WDR25: variants seen among roughly 807,000 people sequenced by gnomAD.
WDR25 encodes the protein WD repeat-containing protein 25.
Under a neutral mutation model 47.7 loss-of-function variants are expected in WDR25, and 35 were observed. That is an observed-to-expected ratio of 0.73 (90% CI 0.56 to 0.97). The LOEUF (loss-of-function observed/expected upper bound fraction) is 0.97, where lower values mean the gene tolerates loss of function less well. Among genes scored for constraint, WDR25 ranks in the 50% least tolerant of loss-of-function variants. The pLI, the probability that WDR25 is intolerant of heterozygous loss-of-function variation, is 0.00. For missense variants in WDR25, 634 were observed against 704.7 expected (o/e 0.90, Z 1.14); for synonymous variants, 248 against 278.9 (o/e 0.89, Z 1.10).
At chr14:100,410,383 G>A (rs991822492) in intron 2 of WDR25, among the ~76,000 whole-genome samples, 1 of 152,210 alleles carries the variant, frequency 6.6e-6, no homozygotes, top group Non-Finnish European at 1.5e-5. Flanking sequence ...GTGGGCTCAG[G>A]GGGTGGAGAG....
At chr14:100,378,680 C>CTTTCCCACCAT (rs1239205526) in intron 1 of WDR25, among the ~76,000 whole-genome samples, 1 of 26,020 alleles carries the variant, frequency 3.8e-5, no homozygotes, top group African/African-American at 7.5e-5. Flanking sequence ...CCAGGCAGGC[C>CTTTCCCACCAT]GGGCGCGGTG....
intron 2 of WDR25, among the ~76,000 whole-genome samples, chr14:100,415,986 T>C (rs1897857853): frequency 6.6e-6 from 1 of 152,172 alleles, no homozygotes; most frequent in Admixed American, 6.5e-5. Context: ...TCTGCATCTC[T>C]GTCAGTGCAC....
At position 100,410,126 on chromosome 14, in the gene WDR25, G is replaced by A. The variant is rs115023158; in HGVS notation, c.822+28380G>A. Among the ~76,000 whole-genome samples, 760 of 152,300 alleles carry A rather than the reference G, an allele frequency of 5.0e-3. 7 individuals are homozygous for A. Among genetic ancestry groups the A allele is most frequent in the African/African-American group, 0.017 (721 of 41,552 alleles). ...GAGTTTCCAGAGGGAGACAGTCAAA[G>A]CTCTATTGTTAAAGTGATTCTGGGG... is the stretch of plus-strand genomic sequence containing the variant. On this transcript the variant is annotated intron_variant, in intron 2 of 6. Coordinates refer to ENST00000402312, the MANE Select transcript of WDR25 (RefSeq NM_001161476.3).
intron 4 of WDR25, among the ~76,000 whole-genome samples, chr14:100,522,593 G>A (rs923497153): frequency 2.0e-5 from 3 of 152,212 alleles, no homozygotes. Context: ...CTAGCTGGCT[G>A]GGGAGGAGAA....
intron 3 of WDR25, among the ~76,000 whole-genome samples, chr14:100,477,693 A>G (rs1396934882): frequency 6.6e-6 from 1 of 152,220 alleles, no homozygotes; most frequent in Non-Finnish European, 1.5e-5. Flanking sequence ...GACTTTACCC[A>G]TATCTCTTTA....
At chr14:100,527,287 C>T (rs1242126870) in intron 5 of WDR25, among the ~76,000 whole-genome samples, 1 of 151,830 alleles carries the variant, frequency 6.6e-6, no homozygotes, top group Non-Finnish European at 1.5e-5. Flanking sequence ...TTGTCACCAC[C>T]ACCATCTCTA....
chr14:100,483,987 G>A lies in WDR25; in HGVS notation c.971-7G>A, dbSNP rs1246776729. 1 of 1,602,112 alleles carries A rather than the reference G, an allele frequency of 6.2e-7. No homozygotes were observed. The highest frequency in any genetic ancestry group is 8.5e-7 in the Non-Finnish European group (1 of 1,176,380). On this transcript the variant is annotated splice_polypyrimidine_tract_variant and splice_region_variant and intron_variant, in intron 3 of 6. Coordinates refer to ENST00000402312, the MANE Select transcript of WDR25 (RefSeq NM_001161476.3). The stretch of plus-strand genomic sequence containing the variant: ...TTCTAACCCTCTCTTCTCTTTTTGT[G>A]TTGTAGGAACCCAGCTATTTAGTGG...
chr14:100,477,995 G>A (rs1900073481), intron 3 of WDR25, among the ~76,000 whole-genome samples: 2 of 152,200 alleles, frequency 1.3e-5, no homozygotes, highest in Admixed American at 1.3e-4. Context: ...GGGAGGCTGA[G>A]GCAGGAGAAT....
In WDR25 at chr14:100,525,045, A is replaced by G. The variant is rs2140390776; in HGVS notation, c.1102-825A>G. On this transcript the variant is annotated intron_variant, in intron 4 of 6. Transcript: ENST00000402312. This position sits in a 1 kb window ranked among gnomAD's most constrained non-coding sequence, Gnocchi z 4.6. ...CATGGTGGCGGCCCAGGAACTGGTA[A>G]AGGGACCGGCCGGCCCCTGCGACCA... Among the ~76,000 whole-genome samples, 1 of 152,280 alleles carries G rather than the reference A, an allele frequency of 6.6e-6. No individual in the cohort carries two copies. Among genetic ancestry groups the G allele is most frequent in the African/African-American group, 2.4e-5 (1 of 41,548 alleles).
At chr14:100,403,539 A>G (rs562397965) in intron 2 of WDR25, among the ~76,000 whole-genome samples, 1 of 152,248 alleles carries the variant, frequency 6.6e-6, no homozygotes, top group Admixed American at 6.5e-5. Context: ...TGGCATGCTT[A>G]GCCCGCAGGG....
At chr14:100,515,538 A>G (rs568291382) in intron 4 of WDR25, among the ~76,000 whole-genome samples, 5 of 152,248 alleles carry the variant, frequency 3.3e-5, no homozygotes, top group African/African-American at 1.2e-4. Flanking sequence ...GATATCTTTC[A>G]TGTGTATTAT....
Position 100,436,275 on chromosome 14 carries a change from G to A in WDR25, c.823-31746G>A, listed in dbSNP as rs374326085. On this transcript the variant is annotated intron_variant, in intron 2 of 6. Transcript: ENST00000402312. ...GAGGGTCCCACAAGCAGTGGGAGCC[G>A]GGACGCAGGGCTGACTACTACACCT... is the stretch of plus-strand genomic sequence containing the variant. 9.9e-4 allele frequency among the ~76,000 whole-genome samples: 150 copies of A among 152,258 alleles called. 1 individual carries two copies. Among genetic ancestry groups the A allele is most frequent in the African/African-American group, 3.3e-3 (137 of 41,532 alleles).
In WDR25 at chr14:100,403,527, G is replaced by T. The variant is rs139455267; in HGVS notation, c.822+21781G>T. On this transcript the variant is annotated intron_variant, in intron 2 of 6. Transcript: ENST00000402312. Reference sequence around the variant, plus strand: ...CCCCCACTGTTTCTTGTAAAGTGGTGCTGGCATGCTTAGCCCGCAGGGCTG... The same window carrying T: ...CCCCCACTGTTTCTTGTAAAGTGGTTCTGGCATGCTTAGCCCGCAGGGCTG... 7.4e-3 allele frequency among the ~76,000 whole-genome samples: 1,124 copies of T among 152,348 alleles called. 16 individuals carry two copies. The highest frequency in any genetic ancestry group is 0.025 in the African/African-American group (1,019 of 41,572).
In WDR25 at chr14:100,497,058, T is replaced by A. The variant is rs79023439; in HGVS notation, c.1101+12934T>A. On this transcript the variant is annotated intron_variant, in intron 4 of 6. Coordinates refer to ENST00000402312, the MANE Select transcript of WDR25 (RefSeq NM_001161476.3). ...CGTATTGGTCAGGCTGGAAGATAGC[T>A]TTCTATCATTAATTTCTAGTTTAAT... Among the ~76,000 whole-genome samples, 769 of 152,274 alleles carry A rather than the reference T, an allele frequency of 5.1e-3. 7 individuals are homozygous for A. The highest frequency in any genetic ancestry group is 0.014 in the African/African-American group (574 of 41,556).
At chr14:100,497,586 C>G (rs1306936110) in intron 4 of WDR25, among the ~76,000 whole-genome samples, 1 of 152,252 alleles carries the variant, frequency 6.6e-6, no homozygotes, top group Admixed American at 6.5e-5. Context: ...CTCTTGTTTA[C>G]TTTTCGAGTC....
In WDR25 at chr14:100,381,717, C is replaced by T; in HGVS notation, c.793C>T (p.Leu265Phe). 1.2e-6 allele frequency: 2 copies of T among 1,608,224 alleles called. No homozygotes were observed. The highest frequency in any genetic ancestry group is 1.7e-6 in the Non-Finnish European group (2 of 1,177,938). The change falls in exon 2 of 7, where the codon CTC becomes TTC. Residue 265 changes from leucine to phenylalanine, a missense_variant. Transcript: ENST00000402312. ...CPVLSKSHML[L>F]STSMDKTFKV... Reference sequence around the variant, plus strand: ...AGTCCTTTCTAAGAGCCACATGCTTCTCTCCACTTCTATGGATAAAACTTT... The same window carrying T: ...AGTCCTTTCTAAGAGCCACATGCTTTTCTCCACTTCTATGGATAAAACTTT...
In WDR25 at chr14:100,428,046, C is replaced by CCCTTT; in HGVS notation, c.823-39964_823-39960dup. Among the ~76,000 whole-genome samples the CCCTTT allele has an allele frequency of 6.6e-6, 1 of 152,262 alleles. No individual in the cohort carries two copies. Among genetic ancestry groups the CCCTTT allele is most frequent in the East Asian group, 1.9e-4 (1 of 5,198 alleles). On this transcript the variant is annotated intron_variant, in intron 2 of 6. Transcript: ENST00000402312. This position sits in a 1 kb window ranked among gnomAD's most constrained non-coding sequence, Gnocchi z 4.3. ...TTTCCTCCTGAGACCCTAACACGCT[C>CCCTTT]CCTTTCCTTTCCTTTTTGAGGGAAG...
chr14:100,406,455 T>A (rs1897541541), intron 2 of WDR25: 1 of 152,242 alleles, frequency 6.6e-6, no homozygotes, highest in Non-Finnish European at 1.5e-5. Flanking sequence ...ATTTTGCAGT[T>A]GAAGCAATTG....
At chr14:100,429,163 G>GTGC (rs1898256402) in intron 2 of WDR25, among the ~76,000 whole-genome samples, 1 of 152,212 alleles carries the variant, frequency 6.6e-6, no homozygotes, top group African/African-American at 2.4e-5. Context: ...CGTGCTCAAA[G>GTGC]TGCTGAGTGA....
Sources: gnomAD v4.1 joint callset for allele counts (sites outside exome capture counted in the v4.1 genomes callset) on GRCh38, gnomAD v4.1.1 for gene constraint, Gnocchi (gnomAD v3.1) non-coding constraint, MANE v1.5 for transcripts, NCBI Gene and HGNC (gene_info 2026-07-23, HGNC 2026-07-21) for gene names.